The following CCDC7 variants were observed in gnomAD, a reference collection of about 807,000 sequenced individuals.
CCDC7 encodes coiled-coil domain containing 7, also known as coiled-coil domain-containing protein 7.
A neutral mutation model predicts 196.9 loss-of-function variants in CCDC7; 183 were observed. The observed-to-expected ratio is 0.93, with a 90% CI of 0.82 to 1.05. The LOEUF is 1.05. CCDC7 is among the 50% of genes least tolerant of loss of function. The pLI is 0.00. For missense variants in CCDC7, 1,540 were observed against 1,482.2 expected, an observed-to-expected ratio of 1.04 and a Z score of -0.64; for synonymous variants, 525 against 484.6, an observed-to-expected ratio of 1.08 and a Z score of -1.10.
chr10:32,573,470 G>T (rs1278730449), intron 16 of CCDC7, among the ~76,000 whole-genome samples: 1 of 152,272 alleles, frequency 6.6e-6, no homozygotes, highest in African/African-American at 2.4e-5. Flanking sequence ...ACATGGTAAG[G>T]CAGTTTCAGT....
At chr10:32,456,470 ATTAT>A in intron 3 of CCDC7, 136 bp downstream of exon 4, 1 of 605,154 alleles carries the variant, frequency 1.7e-6, no homozygotes, top group Non-Finnish European at 2.4e-6. Flanking sequence ...ATTGGAAAAC[ATTAT>A]TTATTTATTT....
intron 20 of CCDC7, among the ~76,000 whole-genome samples, chr10:32,641,812 A>T (rs1345641015): frequency 6.6e-6 from 1 of 152,118 alleles, no homozygotes; most frequent in Non-Finnish European, 1.5e-5. Context: ...GATGATGGTG[A>T]CGAACAGATG....
intron 1 of CCDC7, 51 bp from the exon 3 acceptor site, chr10:32,453,293 T>C (rs980684250): frequency 8.2e-7 from 1 of 1,218,172 alleles, no homozygotes; most frequent in Admixed American, 3.0e-5. Flanking sequence ...TTTAATATAA[T>C]TAATTTTAAA....
intron 28 of CCDC7, among the ~76,000 whole-genome samples, chr10:32,766,679 A>G (rs1439612187): frequency 2.6e-5 from 4 of 152,084 alleles, no homozygotes; most frequent in Admixed American, 2.6e-4. Context: ...CCCATCATGA[A>G]CTGGATGTTG....
At chr10:32,688,939 C>G in intron 22 of CCDC7, 114 bp from the exon 24 acceptor site, 1 of 685,462 alleles carries the variant, frequency 1.5e-6, no homozygotes, top group South Asian at 1.7e-5. Flanking sequence ...GTAATTTATT[C>G]ATAACTTTAC....
chr10:32,580,730 G>A lies in CCDC7; in HGVS notation c.1455-2304G>A, dbSNP rs186064537. Among the ~76,000 whole-genome samples the A allele has an allele frequency of 3.6e-3, 551 of 152,030 alleles. 5 individuals are homozygous for A. Among genetic ancestry groups the A allele is most frequent in the African/African-American group, 0.013 (523 of 41,478 alleles). On this transcript the variant is annotated intron_variant, in intron 16 of 41. Coordinates refer to ENST00000639629, the Ensembl canonical transcript of CCDC7. Reference sequence around the variant, plus strand: ...ATTTGCATTGATAATTAAAAATTCAGTGTAACATAAATACCTGTGAGAGTT... The same window carrying A: ...ATTTGCATTGATAATTAAAAATTCAATGTAACATAAATACCTGTGAGAGTT...
At chr10:32,466,509 T>G (rs2036835864) in intron 5 of CCDC7, among the ~76,000 whole-genome samples, 1 of 152,172 alleles carries the variant, frequency 6.6e-6, no homozygotes, top group Non-Finnish European at 1.5e-5. Flanking sequence ...CACTTATAAG[T>G]GAGAACATGC....
chr10:32,739,865 C>T (rs911018781), intron 28 of CCDC7, among the ~76,000 whole-genome samples: 2 of 151,668 alleles, frequency 1.3e-5, no homozygotes, highest in East Asian at 1.9e-4. Flanking sequence ...TTTGCCCCCC[C>T]CCACCAAACT....
At chr10:32,741,463 T>C (rs540627526) in intron 28 of CCDC7, among the ~76,000 whole-genome samples, 1 of 152,174 alleles carries the variant, frequency 6.6e-6, no homozygotes, top group African/African-American at 2.4e-5. Context: ...CATACACATA[T>C]GCCAAAATCT....
intron 20 of CCDC7, among the ~76,000 whole-genome samples, chr10:32,649,092 A>G (rs1222312758): frequency 6.6e-6 from 1 of 152,182 alleles, no homozygotes; most frequent in African/African-American, 2.4e-5. Context: ...CTTACTTCTA[A>G]GTGAGAGCTG....
At chr10:32,857,456 A>G (rs1245825685) in intron 41 of CCDC7, among the ~76,000 whole-genome samples, 1 of 152,214 alleles carries the variant, frequency 6.6e-6, no homozygotes, top group African/African-American at 2.4e-5. Context: ...GTATGAAATT[A>G]GAAATTAAAA....
At chr10:32,606,058 C>T (rs1370250529) in intron 18 of CCDC7, among the ~76,000 whole-genome samples, 1 of 152,220 alleles carries the variant, frequency 6.6e-6, no homozygotes, top group East Asian at 1.9e-4. Context: ...CCCTGCTGCC[C>T]TGTGCAGCCT....
chr10:32,678,249 A>T (rs958860927), intron 21 of CCDC7, among the ~76,000 whole-genome samples: 23 of 152,050 alleles, frequency 1.5e-4, no homozygotes, highest in African/African-American at 5.6e-4. Context: ...TTTGAGCTAT[A>T]TTTTGTTATT....
At chr10:32,795,565 G>GT (rs1343910383) in intron 29 of CCDC7, among the ~76,000 whole-genome samples, 2 of 151,918 alleles carry the variant, frequency 1.3e-5, no homozygotes, top group Non-Finnish European at 1.5e-5. Flanking sequence ...ATCAGTCATT[G>GT]TTTTTTTGCT....
intron 41 of CCDC7, among the ~76,000 whole-genome samples, chr10:32,872,142 T>C (rs1399432562): frequency 2.6e-5 from 4 of 152,098 alleles, no homozygotes; most frequent in African/African-American, 9.7e-5. Flanking sequence ...CAGAGCTGAG[T>C]TGAAGACCTG....
chr10:32,636,072 A>G (rs1315296345), intron 20 of CCDC7, among the ~76,000 whole-genome samples: 1 of 152,200 alleles, frequency 6.6e-6, no homozygotes, highest in Non-Finnish European at 1.5e-5. Flanking sequence ...CATAAAGCTT[A>G]TACTTCAACT....
chr10:32,691,984 G>A (rs2077142543), intron 23 of CCDC7, among the ~76,000 whole-genome samples: 1 of 152,170 alleles, frequency 6.6e-6, no homozygotes, highest in African/African-American at 2.4e-5. Flanking sequence ...TCTTAAGGAG[G>A]CATTCTGTAG....
intron 13 of CCDC7, among the ~76,000 whole-genome samples, chr10:32,550,483 C>A (rs1176600283): frequency 6.6e-6 from 1 of 151,990 alleles, no homozygotes; most frequent in Non-Finnish European, 1.5e-5. Context: ...TTGTCTTGTT[C>A]CAGTTCTCAG....
At chr10:32,448,787 A>G (rs1008697769), upstream of CCDC7, among the ~76,000 whole-genome samples, 2 of 151,742 alleles carry the variant, frequency 1.3e-5, no homozygotes, top group Admixed American at 6.6e-5. Context: ...ATAGGCCTTT[A>G]TTTTCTCATT....
Sources: allele counts gnomAD v4.1 joint callset (sites outside exome capture counted in the v4.1 genomes callset), GRCh38; gene constraint gnomAD v4.1.1; transcripts MANE v1.5; gene names NCBI Gene and HGNC (gene_info 2026-07-23, HGNC 2026-07-21).